DRC7: variants seen among roughly 807,000 people sequenced by gnomAD.
DRC7 encodes the protein dynein regulatory complex subunit 7.
A neutral mutation model predicts 104.4 loss-of-function variants in DRC7; 80 were observed. The ratio of observed to expected loss-of-function variants is 0.77; its 90% confidence interval spans 0.64 to 0.92. The LOEUF is 0.92. Ranked by LOEUF, DRC7 falls within the 40% of genes least tolerant of loss-of-function variation. The pLI, the probability that DRC7 is intolerant of heterozygous loss-of-function variation, is 0.00. For synonymous variants in DRC7, 405 were observed against 447.3 expected (o/e 0.91, Z 1.19); for missense variants, 1,034 against 1,141.1 (o/e 0.91, Z 1.35).
intron 1 of DRC7, among the ~76,000 whole-genome samples, chr16:57,695,112 A>C (rs911956000): frequency 2.6e-5 from 4 of 152,110 alleles, no homozygotes; most frequent in African/African-American, 9.7e-5. Flanking sequence ...GCTATAGCTG[A>C]AGAGGCCACC....
chr16:57,696,842 T>C (rs1373741602), intron 2 of DRC7, among the ~76,000 whole-genome samples: 1 of 152,248 alleles, frequency 6.6e-6, no homozygotes, highest in Non-Finnish European at 1.5e-5. Context: ...ATCATTCACC[T>C]GCCATCCTCA....
chr16:57,705,010 G>A lies in DRC7; in HGVS notation c.834G>A (p.Leu278=). ...QEIRAQEKKR[L]REEEERLMEA... ...TCAGAGCCCAGGAGAAGAAGCGGCT[G>A]AGGGAGGAGGAGGAGCGCCTCATGG... Residue 278 remains leucine (L), a synonymous_variant, in exon 7 of 19, where the codon CTG becomes CTA. Transcript: ENST00000360716. 6.2e-7 allele frequency: 1 copy of A among 1,612,686 alleles called. No individual in the cohort carries two copies. Among genetic ancestry groups the A allele is most frequent in the Non-Finnish European group, 8.5e-7 (1 of 1,179,890 alleles).
chr16:57,714,421 G>C (rs1311458119), intron 8 of DRC7: 1 of 159,294 alleles, frequency 6.3e-6, no homozygotes, highest in African/African-American at 2.4e-5. Flanking sequence ...AGGAGTTTGA[G>C]ACAAGCCTGG....
intron 8 of DRC7, among the ~76,000 whole-genome samples, chr16:57,712,583 A>T (rs2048800534): frequency 6.6e-6 from 1 of 151,664 alleles, no homozygotes; most frequent in African/African-American, 2.4e-5. Context: ...TTATTATTTT[A>T]TACTTTATGC....
chr16:57,696,807 G>A (rs1159502032), intron 2 of DRC7, among the ~76,000 whole-genome samples: 4 of 152,168 alleles, frequency 2.6e-5, no homozygotes, highest in Admixed American at 6.5e-5. Context: ...TCTGTGCCTC[G>A]GTTCCCAGTT....
intron 6 of DRC7, among the ~76,000 whole-genome samples, chr16:57,702,424 A>G (rs149034664): frequency 0.035 from 5,297 of 152,232 alleles, 142 homozygotes; most frequent in South Asian, 0.054. Context: ...AATTTTATGA[A>G]TGCCACATAG....
chr16:57,719,615 T>G (rs548966093), intron 9 of DRC7, among the ~76,000 whole-genome samples: 1 of 152,324 alleles, frequency 6.6e-6, no homozygotes, highest in East Asian at 1.9e-4. Flanking sequence ...GCTCAAATGA[T>G]CCTTCCACTT....
chr16:57,705,901 CCCATCCATCCATCCATTCTCCCAT>C, intron 7 of DRC7, among the ~76,000 whole-genome samples: 1 of 139,966 alleles, frequency 7.1e-6, no homozygotes. Context: ...CACTCATCCT[CCCATCCATCCATCCATTCTCCCAT>C]CCATCCTCTC....
chr16:57,716,327 AC>A (rs1463558617), intron 8 of DRC7, among the ~76,000 whole-genome samples: 1 of 151,886 alleles, frequency 6.6e-6, no homozygotes, highest in Non-Finnish European at 1.5e-5. Context: ...ACATGGTGAA[AC>A]CCTATCTCTA....
At chr16:57,720,416 T>C (rs1464926756) in intron 9 of DRC7, among the ~76,000 whole-genome samples, 1 of 152,248 alleles carries the variant, frequency 6.6e-6, no homozygotes, top group Non-Finnish European at 1.5e-5. Context: ...GGACATCTTG[T>C]GTGCAGTAAA....
chr16:57,716,741 G>A (rs1269175894), intron 8 of DRC7, among the ~76,000 whole-genome samples: 1 of 152,096 alleles, frequency 6.6e-6, no homozygotes, highest in East Asian at 1.9e-4. Flanking sequence ...GTTGGCTTCA[G>A]GACAGCTTAA....
intron 9 of DRC7, among the ~76,000 whole-genome samples, chr16:57,719,707 T>C (rs1404461050): frequency 1.3e-5 from 2 of 151,990 alleles, no homozygotes; most frequent in Non-Finnish European, 2.9e-5. Flanking sequence ...ATGGTCTTGC[T>C]ATGTTACCTA....
At position 57,704,870 on chromosome 16, in the gene DRC7, T is replaced by G; in HGVS notation, c.700-6T>G. 8 of 1,613,124 alleles carry G rather than the reference T, an allele frequency of 5.0e-6. No individual in the cohort carries two copies. Among genetic ancestry groups the G allele is most frequent in the Non-Finnish European group, 6.8e-6 (8 of 1,179,620 alleles). ...CACTGACCCTTCCTCTTCTTTTGGG[T>G]GACAGACCATCAAGAAGGAGGAAAA... On this transcript the variant is annotated splice_region_variant and splice_polypyrimidine_tract_variant and intron_variant, in intron 6 of 18. Coordinates refer to ENST00000360716, the MANE Select transcript of DRC7 (RefSeq NM_001289162.2).
At position 57,731,330 on chromosome 16, in the gene DRC7, C is replaced by A; in HGVS notation, c.*72C>A. 1 of 1,241,660 alleles carries A rather than the reference C, an allele frequency of 8.1e-7. No individual in the cohort carries two copies. 76.9% of individuals were successfully genotyped at this position (1,241,660 alleles called of 1,614,324 possible). A position where few individuals can be genotyped will look rare whatever the true frequency, so the allele number is the denominator to read the frequency against. ...CTTCCCGCAGCCTGGCTCCTGTGTTCCCTCTATCCAGCCAATGCCTGTTTA... is the reference window on the plus strand; with the variant it reads ...CTTCCCGCAGCCTGGCTCCTGTGTTACCTCTATCCAGCCAATGCCTGTTTA... On this transcript the variant is annotated 3_prime_UTR_variant, in exon 19 of 19. Coordinates refer to ENST00000360716, the MANE Select transcript of DRC7 (RefSeq NM_001289162.2).
chr16:57,731,189 G>A lies in DRC7; in HGVS notation c.2556G>A (p.Lys852=). 1.2e-6 allele frequency: 2 copies of A among 1,613,872 alleles called. No individual in the cohort carries two copies. The highest frequency in any genetic ancestry group is 4.5e-5 in the East Asian group (2 of 44,882). ...LNRHKELAPL[K]YLALEEKLYK... ...GACACAAGGAACTGGCCCCACTGAA[G>A]TACCTGGCTCTGGAGGAAAAGCTCT... is the stretch of plus-strand genomic sequence containing the variant. The change falls in exon 19 of 19, where the codon AAG becomes AAA. Residue 852 remains lysine (K), a synonymous_variant. Transcript: ENST00000360716.
At chr16:57,708,560 A>G (rs1426286827) in intron 8 of DRC7, among the ~76,000 whole-genome samples, 1 of 152,210 alleles carries the variant, frequency 6.6e-6, no homozygotes, top group Non-Finnish European at 1.5e-5. Flanking sequence ...GCCGCCATGA[A>G]TATTTGTATA....
At position 57,731,468 on chromosome 16, in the gene DRC7, G is replaced by A. The variant is rs1336961724; in HGVS notation, c.*210G>A. On this transcript the variant is annotated 3_prime_UTR_variant, in exon 19 of 19. Coordinates refer to ENST00000360716, the MANE Select transcript of DRC7 (RefSeq NM_001289162.2). ...TCTTAATTTGCCATTTGTGCCTTGCGCTTCACAAGCTCCAGCAGCAGCCTT... is the reference window on the plus strand; with the variant it reads ...TCTTAATTTGCCATTTGTGCCTTGCACTTCACAAGCTCCAGCAGCAGCCTT... 8.6e-6 allele frequency: 5 copies of A among 580,096 alleles called. 1 individual carries two copies. The highest frequency in any genetic ancestry group is 9.1e-4 in the Middle Eastern group (2 of 2,186). The allele number at this position is 580,096 out of a possible 1,614,324, so 35.9% of individuals were successfully genotyped here.
At chr16:57,726,782 G>A (rs186079284) in intron 14 of DRC7, 50 bp from the exon 15 acceptor site, 2 of 1,226,334 alleles carry the variant, frequency 1.6e-6, no homozygotes, top group South Asian at 2.5e-5. Context: ...GTGGTCCTAT[G>A]CCCCGATCAT....
chr16:57,701,990 T>C lies in DRC7; in HGVS notation c.559T>C (p.Phe187Leu), dbSNP rs2148733418. 1 of 1,614,234 alleles carries C rather than the reference T, an allele frequency of 6.2e-7. No homozygotes were observed. Among genetic ancestry groups the C allele is most frequent in the South Asian group, 1.1e-5 (1 of 91,088 alleles). The change falls in exon 6 of 19, where the codon TTT becomes CTT. Residue 187 changes from phenylalanine to leucine, a missense_variant. By Grantham distance (22) the Phe-to-Leu change is conservative. Coordinates refer to ENST00000360716, the MANE Select transcript of DRC7 (RefSeq NM_001289162.2). ...GCTCAAGTACCAGAAGGGGAACTGCTTTGACTTCAGTACGCTGCTCTGCTC... is the reference window on the plus strand; with the variant it reads ...GCTCAAGTACCAGAAGGGGAACTGCCTTGACTTCAGTACGCTGCTCTGCTC... ...TVLKYQKGNC[F>L]DFSTLLCSML...
Sources: gnomAD v4.1 joint callset for allele counts (sites outside exome capture counted in the v4.1 genomes callset) on GRCh38, gnomAD v4.1.1 for gene constraint, MANE v1.5 for transcripts, NCBI Gene and HGNC (gene_info 2026-07-23, HGNC 2026-07-21) for gene names.